CYTH1: variants seen among roughly 807,000 people sequenced by gnomAD.
CYTH1 encodes cytohesin-1.
In CYTH1, 18 loss-of-function variants were observed where a neutral mutation model predicts 61.8. The ratio of observed to expected loss-of-function variants is 0.29; its 90% CI spans 0.20 to 0.43. The LOEUF (loss-of-function observed/expected upper bound fraction) is 0.43. Ranked by LOEUF, CYTH1 falls within the 20% of genes least tolerant of loss-of-function variation. CYTH1 has a pLI of 1.00. For synonymous variants in CYTH1, 174 were observed against 184.3 expected (o/e 0.94, Z 0.45); for missense variants, 336 against 510.5 (o/e 0.66, Z 3.29).
At chr17:78,727,541 G>A (rs774467753) in intron 1 of CYTH1, 2 of 368,316 alleles carry the variant, frequency 5.4e-6, no homozygotes, top group Middle Eastern at 3.8e-4. Flanking sequence ...CCTTACCAGA[G>A]TTGCCCCGAG....
At chr17:78,748,691 A>G (rs144384666) in intron 1 of CYTH1, among the ~76,000 whole-genome samples, 150 of 152,316 alleles carry the variant, frequency 9.8e-4, no homozygotes, top group African/African-American at 3.5e-3. Context: ...TTATGAAAGC[A>G]AAGTTCTCTG....
chr17:78,712,093 G>A (rs1254888435), intron 1 of CYTH1, among the ~76,000 whole-genome samples: 1 of 123,166 alleles, frequency 8.1e-6, no homozygotes, highest in Admixed American at 9.9e-5. Flanking sequence ...AGGAAAGAAG[G>A]AAAGAAGGAA....
intron 1 of CYTH1, among the ~76,000 whole-genome samples, chr17:78,745,409 G>A (rs2093355939): frequency 1.3e-5 from 2 of 152,160 alleles, no homozygotes; most frequent in African/African-American, 2.4e-5. Flanking sequence ...ATTTACAAGC[G>A]AGAAAGAATA....
intron 1 of CYTH1, among the ~76,000 whole-genome samples, chr17:78,751,611 G>A (rs1351890827): frequency 1.3e-5 from 2 of 152,174 alleles, no homozygotes; most frequent in Admixed American, 6.5e-5. Context: ...ATTTTTCACT[G>A]CTCTGTGAAT....
At chr17:78,776,725 T>C (rs1426076831) in intron 1 of CYTH1, among the ~76,000 whole-genome samples, 2 of 151,334 alleles carry the variant, frequency 1.3e-5, no homozygotes, top group Non-Finnish European at 2.9e-5. Context: ...CAAAATTTAA[T>C]TTTTACGATT....
At chr17:78,699,380 A>AG (rs2092983914) in intron 7 of CYTH1, among the ~76,000 whole-genome samples, 1 of 152,002 alleles carries the variant, frequency 6.6e-6, no homozygotes, top group Non-Finnish European at 1.5e-5. Flanking sequence ...AAAAAAAAAA[A>AG]CATGTTCTCA....
chr17:78,780,275 T>C (rs1486955657), intron 1 of CYTH1, among the ~76,000 whole-genome samples: 2 of 152,138 alleles, frequency 1.3e-5, no homozygotes, highest in South Asian at 2.1e-4. Context: ...CCCAACACTT[T>C]GGGAGGCCAA....
At chr17:78,775,801 C>A (rs929585453) in intron 1 of CYTH1, among the ~76,000 whole-genome samples, 16 of 152,156 alleles carry the variant, frequency 1.1e-4, no homozygotes, top group African/African-American at 3.9e-4. Context: ...ATAAGACATG[C>A]ATTTGCTATA....
chr17:78,733,506 ACTGAGCAT>A (rs1191474022), intron 1 of CYTH1, among the ~76,000 whole-genome samples: 1 of 152,072 alleles, frequency 6.6e-6, no homozygotes, highest in Non-Finnish European at 1.5e-5. Flanking sequence ...CTCAGCGTTT[ACTGAGCAT>A]CTGCCATAGG....
At chr17:78,720,979 G>A (rs894981003) in intron 1 of CYTH1, among the ~76,000 whole-genome samples, 1 of 152,182 alleles carries the variant, frequency 6.6e-6, no homozygotes, top group African/African-American at 2.4e-5. Context: ...TGACTTTTGC[G>A]TAGTGCATTT....
intron 1 of CYTH1, among the ~76,000 whole-genome samples, chr17:78,765,725 G>C (rs1046806154): frequency 6.6e-6 from 1 of 152,196 alleles, no homozygotes; most frequent in African/African-American, 2.4e-5. Context: ...CACAGCACAA[G>C]ACAGTGGTGT....
intron 3 of CYTH1, among the ~76,000 whole-genome samples, chr17:78,706,087 G>A (rs1248041191): frequency 6.6e-6 from 1 of 152,016 alleles, no homozygotes; most frequent in Non-Finnish European, 1.5e-5. Flanking sequence ...CAGTAAAGGT[G>A]TATTACCTTT....
At chr17:78,709,590 T>A (rs2093106360) in intron 2 of CYTH1, 60 bp downstream of exon 2, 2 of 1,581,796 alleles carry the variant, frequency 1.3e-6, no homozygotes, top group Middle Eastern at 3.3e-4. Context: ...CACCCTTTCA[T>A]ACAAATGGAA....
At chr17:78,746,639 C>T (rs1412241059) in intron 1 of CYTH1, among the ~76,000 whole-genome samples, 1 of 152,172 alleles carries the variant, frequency 6.6e-6, no homozygotes, top group Non-Finnish European at 1.5e-5. Context: ...TTGATTTACT[C>T]ATCAGAGTAA....
At chr17:78,702,512 C>A in intron 4 of CYTH1, 26 bp downstream of exon 4, 1 of 1,612,436 alleles carries the variant, frequency 6.2e-7, no homozygotes, top group Non-Finnish European at 8.5e-7. Flanking sequence ...CTAATATGGA[C>A]CACTTCCCGC....
intron 2 of CYTH1, chr17:78,709,039 A>G (rs1190898202): frequency 6.6e-6 from 1 of 152,328 alleles, no homozygotes; most frequent in Non-Finnish European, 1.5e-5. Flanking sequence ...TAATCCAACT[A>G]TTGGCTTCTA....
chr17:78,703,691 G>A (rs2093036975), intron 3 of CYTH1, among the ~76,000 whole-genome samples: 1 of 152,134 alleles, frequency 6.6e-6, no homozygotes, highest in Non-Finnish European at 1.5e-5. Flanking sequence ...TAAAAGATGT[G>A]GATTTTCAGA....
chr17:78,734,727 A>G (rs1446560377), intron 1 of CYTH1, among the ~76,000 whole-genome samples: 3 of 152,178 alleles, frequency 2.0e-5, no homozygotes, highest in African/African-American at 7.2e-5. Context: ...AGTGTGAGCC[A>G]TCGCGCCCAG....
chr17:78,753,387 G>A (rs1181014015), intron 1 of CYTH1, among the ~76,000 whole-genome samples: 1 of 152,176 alleles, frequency 6.6e-6, no homozygotes, highest in African/African-American at 2.4e-5. Context: ...GAAGACTCAT[G>A]CTCTTGGCCA....
Sources: gnomAD v4.1 joint callset for allele counts (sites outside exome capture counted in the v4.1 genomes callset) on GRCh38, gnomAD v4.1.1 for gene constraint, MANE v1.5 for transcripts, NCBI Gene and HGNC (gene_info 2026-07-23, HGNC 2026-07-21) for gene names.